Variants in DSCAML1 observed in about 807,000 individuals in gnomAD.
DSCAML1 encodes cell adhesion molecule DSCAML1.
A neutral mutation model predicts 200.5 loss-of-function variants in DSCAML1; 38 were observed. That is an observed-to-expected ratio of 0.19 (90% CI 0.15 to 0.25). DSCAML1 has a LOEUF of 0.25. Among genes scored for constraint, DSCAML1 ranks in the 10% least tolerant of loss-of-function variants. The pLI is 1.00. For missense variants in DSCAML1, 2,223 were observed against 2,858.8 expected (o/e 0.78, Z 5.07); for synonymous variants, 1,215 against 1,165.0 (o/e 1.04, Z -0.87).
chr11:117,598,606 C>G (rs577788357), intron 3 of DSCAML1, among the ~76,000 whole-genome samples: 1 of 152,328 alleles, frequency 6.6e-6, no homozygotes, highest in East Asian at 1.9e-4. Context: ...AGAGACTGAT[C>G]TAACTGATCT....
At chr11:117,508,697 G>A (rs1041087381) in intron 8 of DSCAML1, among the ~76,000 whole-genome samples, 16 of 152,100 alleles carry the variant, frequency 1.1e-4, no homozygotes, top group South Asian at 4.2e-4. Flanking sequence ...GCAAGGGGAG[G>A]GTGGAGGCAG....
chr11:117,795,639 C>G (rs1049796834), intron 1 of DSCAML1, among the ~76,000 whole-genome samples: 1 of 152,180 alleles, frequency 6.6e-6, no homozygotes, highest in Non-Finnish European at 1.5e-5. Context: ...TTCCTTGTCC[C>G]GCAATCCGAT....
chr11:117,457,297 G>A (rs1310404831), intron 19 of DSCAML1, among the ~76,000 whole-genome samples: 1 of 152,250 alleles, frequency 6.6e-6, no homozygotes, highest in Non-Finnish European at 1.5e-5. Flanking sequence ...TCCTTGCAGG[G>A]AGGGGTGATG....
intron 3 of DSCAML1, among the ~76,000 whole-genome samples, chr11:117,694,751 G>A: frequency 6.6e-6 from 1 of 152,232 alleles, no homozygotes; most frequent in East Asian, 1.9e-4. Flanking sequence ...CCTGGTTGGG[G>A]GTTAAGGAAA....
At chr11:117,506,243 C>G (rs1765258386) in intron 8 of DSCAML1, among the ~76,000 whole-genome samples, 1 of 152,184 alleles carries the variant, frequency 6.6e-6, no homozygotes, top group Non-Finnish European at 1.5e-5. Flanking sequence ...GGGCCCTCAG[C>G]CACCTCACCC....
chr11:117,712,891 CTGAG>C (rs1379825018), intron 3 of DSCAML1, among the ~76,000 whole-genome samples: 1 of 152,014 alleles, frequency 6.6e-6, no homozygotes, highest in African/African-American at 2.4e-5. Flanking sequence ...CTTTCTGGGG[CTGAG>C]TGAGTGTGCT....
chr11:117,764,199 C>A (rs1440794622), intron 3 of DSCAML1, among the ~76,000 whole-genome samples: 1 of 152,204 alleles, frequency 6.6e-6, no homozygotes, highest in Non-Finnish European at 1.5e-5. Flanking sequence ...ATTCAAAACA[C>A]CAAGGCGTCT....
chr11:117,710,402 C>T (rs1333964949), intron 3 of DSCAML1, among the ~76,000 whole-genome samples: 5 of 152,198 alleles, frequency 3.3e-5, no homozygotes, highest in Non-Finnish European at 7.3e-5. Context: ...TTGGGCTGGG[C>T]TGTCCTCCAG....
chr11:117,470,297 C>T (rs1408950255), intron 15 of DSCAML1, among the ~76,000 whole-genome samples: 7 of 152,266 alleles, frequency 4.6e-5, no homozygotes, highest in African/African-American at 9.6e-5. Context: ...ATGTCTAGGC[C>T]GGGCGCGGTG....
At chr11:117,681,043 G>A (rs1273736185) in intron 3 of DSCAML1, among the ~76,000 whole-genome samples, 1 of 152,160 alleles carries the variant, frequency 6.6e-6, no homozygotes, top group Admixed American at 6.5e-5. Context: ...CCCTCATTCG[G>A]ACCCTGGATT....
At position 117,593,956 on chromosome 11, in the gene DSCAML1, G is replaced by A. The variant is rs569321999; in HGVS notation, c.512-61434C>T. ...TCTCGATCTCCTGACCTCGTGATCC[G>A]CCCGCCTCAGCCTTCCAAAGTGCTG... On this transcript the variant is annotated intron_variant, in intron 3 of 32. Coordinates refer to ENST00000651296, the MANE Select transcript of DSCAML1 (RefSeq NM_020693.4). 4.6e-5 allele frequency among the ~76,000 whole-genome samples: 7 copies of A among 152,030 alleles called. 1 individual carries two copies. Among genetic ancestry groups the A allele is most frequent in the African/African-American group, 1.2e-4 (5 of 41,488 alleles).
At chr11:117,658,847 T>C (rs960336021) in intron 3 of DSCAML1, among the ~76,000 whole-genome samples, 2 of 152,214 alleles carry the variant, frequency 1.3e-5, no homozygotes, top group Non-Finnish European at 2.9e-5. Context: ...AGATACTCCT[T>C]ACTTACGTTG....
intron 11 of DSCAML1, among the ~76,000 whole-genome samples, chr11:117,484,900 T>C (rs1158886642): frequency 2.0e-5 from 2 of 99,556 alleles, no homozygotes; most frequent in African/African-American, 4.7e-5. Context: ...TGTGTGTGTG[T>C]GTGTGTGTGT....
At chr11:117,676,478 C>A (rs1341422037) in intron 3 of DSCAML1, among the ~76,000 whole-genome samples, 3 of 152,210 alleles carry the variant, frequency 2.0e-5, no homozygotes, top group Admixed American at 1.3e-4. Context: ...TCCCTTGTTA[C>A]CATAGCAGGT....
intron 3 of DSCAML1, among the ~76,000 whole-genome samples, chr11:117,679,711 C>T (rs1419624838): frequency 1.3e-5 from 2 of 152,190 alleles, no homozygotes; most frequent in Non-Finnish European, 2.9e-5. Context: ...GCCTGAGTTC[C>T]CTTGGATTCC....
intron 3 of DSCAML1, among the ~76,000 whole-genome samples, chr11:117,754,780 T>C (rs1371659612): frequency 1.3e-5 from 2 of 152,108 alleles, no homozygotes; most frequent in African/African-American, 2.4e-5. Context: ...GCTGCCTCTT[T>C]GGCCATAGAA....
upstream of DSCAML1, chr11:117,797,351 CAGCCCCACA>C (rs2055604208): frequency 8.9e-7 from 1 of 1,127,912 alleles, no homozygotes; most frequent in East Asian, 3.3e-5. Context: ...AGACGGACCC[CAGCCCCACA>C]AGCCCAGGAA....
At position 117,467,193 on chromosome 11, in the gene DSCAML1, A is replaced by ACACCCCCC. The variant is rs1555172719; in HGVS notation, c.3025-2012_3025-2011insGGGGGGTG. Among the ~76,000 whole-genome samples the ACACCCCCC allele has an allele frequency of 2.2e-4, 24 of 109,502 alleles. 1 individual carries two copies. The highest frequency in any genetic ancestry group is 6.2e-4 in the African/African-American group (14 of 22,560). 71.8% of individuals were successfully genotyped at this position (109,502 alleles called of 152,430 possible). On this transcript the variant is annotated intron_variant, in intron 16 of 32. Transcript: ENST00000651296. Reference sequence around the variant, plus strand: ...CGCGCACGCATGCGCGTGCACACACACCTCCCCCCTCCCCCCGCCGCCAAT... The same window carrying ACACCCCCC: ...CGCGCACGCATGCGCGTGCACACACACACCCCCCCCTCCCCCCTCCCCCCGCCGCCAAT...
chr11:117,704,828 G>T (rs1041570282), intron 3 of DSCAML1, among the ~76,000 whole-genome samples: 2 of 152,212 alleles, frequency 1.3e-5, no homozygotes, highest in African/African-American at 4.8e-5. Context: ...GTACCTCATA[G>T]CAGGGATGGT....
Sources: allele counts gnomAD v4.1 joint callset (sites outside exome capture counted in the v4.1 genomes callset), GRCh38; gene constraint gnomAD v4.1.1; transcripts MANE v1.5; gene names NCBI Gene and HGNC (gene_info 2026-07-23, HGNC 2026-07-21).